Variants in GRID2 observed in about 807,000 individuals in gnomAD.
The protein encoded by GRID2 is glutamate receptor ionotropic, delta-2.
A neutral mutation model predicts 114.8 loss-of-function variants in GRID2; 33 were observed. The ratio of observed to expected loss-of-function variants is 0.29; its 90% CI spans 0.22 to 0.38. GRID2 has a LOEUF of 0.38. Among genes scored for constraint, GRID2 ranks in the 10% least tolerant of loss-of-function variants. GRID2 has a pLI of 1.00. For missense variants in GRID2, 1,184 were observed against 1,257.7 expected, an observed-to-expected ratio of 0.94 and a Z score of 0.89; for synonymous variants, 505 against 449.9, an observed-to-expected ratio of 1.12 and a Z score of -1.55.
chr4:92,715,756 C>T (rs553579688), intron 2 of GRID2, among the ~76,000 whole-genome samples: 117 of 152,218 alleles, frequency 7.7e-4, no homozygotes, highest in Non-Finnish European at 5.9e-4. Context: ...GATTCACATA[C>T]GTATCACTAG....
At chr4:93,589,858 G>A (rs1006301515) in intron 13 of GRID2, among the ~76,000 whole-genome samples, 7 of 151,782 alleles carry the variant, frequency 4.6e-5, no homozygotes, top group Non-Finnish European at 7.4e-5. Flanking sequence ...CTTCTTTTGA[G>A]AAGTGTCTGT....
intron 8 of GRID2, among the ~76,000 whole-genome samples, chr4:93,390,732 GA>G (rs2149322742): frequency 6.6e-6 from 1 of 152,160 alleles, no homozygotes; most frequent in East Asian, 1.9e-4. Context: ...GTTGATAATA[GA>G]GTGATTATTA....
At chr4:92,427,322 T>G (rs925671348) in intron 1 of GRID2, among the ~76,000 whole-genome samples, 2 of 152,102 alleles carry the variant, frequency 1.3e-5, no homozygotes, top group African/African-American at 2.4e-5. Flanking sequence ...TATATTTTGA[T>G]GAATGAATGA....
chr4:92,938,671 C>T (rs997270968), intron 2 of GRID2, among the ~76,000 whole-genome samples: 9 of 145,992 alleles, frequency 6.2e-5, no homozygotes, highest in Non-Finnish European at 1.4e-4. Context: ...CCATTAACTC[C>T]TCATTTAGCC....
intron 13 of GRID2, among the ~76,000 whole-genome samples, chr4:93,605,866 G>A (rs1194300109): frequency 6.6e-6 from 1 of 152,184 alleles, no homozygotes; most frequent in African/African-American, 2.4e-5. Context: ...GATCATATAA[G>A]GGGACACTAA....
chr4:93,232,498 A>T (rs1746264530), intron 7 of GRID2, among the ~76,000 whole-genome samples: 1 of 151,012 alleles, frequency 6.6e-6, no homozygotes, highest in Admixed American at 6.6e-5. Flanking sequence ...TGAGCCCAAC[A>T]TATATCAATA....
rs533191720 is a variant in GRID2, at chr4:93,470,748, C to T, written c.1858+14774C>T. ...AATTAAAAACAAATATTGTGTAATG[C>T]ACAGATGGCAGAAAGTAAGCAAAAG... On this transcript the variant is annotated intron_variant, in intron 11 of 15. Transcript: ENST00000282020. Among the ~76,000 whole-genome samples the T allele has an allele frequency of 4.9e-4, 75 of 152,056 alleles. 2 individuals carry two copies. The highest frequency in any genetic ancestry group is 1.7e-3 in the African/African-American group (71 of 41,500).
At chr4:93,808,649 C>T (rs1000305789) in exon 2 of GRID2, 5 of 152,074 alleles carry the variant, frequency 3.3e-5, no homozygotes, top group Non-Finnish European at 2.9e-5. Context: ...GGACCAAAAC[C>T]GGGGCTCTAC....
chr4:92,547,998 C>G (rs1020093110), intron 1 of GRID2, among the ~76,000 whole-genome samples: 1 of 151,962 alleles, frequency 6.6e-6, no homozygotes, highest in African/African-American at 2.4e-5. Context: ...CTTACAAGAC[C>G]TGAATTCTTC....
At chr4:93,706,655 T>TA (rs1034364823) in intron 14 of GRID2, among the ~76,000 whole-genome samples, 6 of 152,080 alleles carry the variant, frequency 3.9e-5, no homozygotes, top group Admixed American at 6.6e-5. Context: ...ATATCATCTG[T>TA]AAAAAAAGGA....
intron 13 of GRID2, among the ~76,000 whole-genome samples, chr4:93,622,605 C>G (rs989341141): frequency 6.6e-6 from 1 of 152,160 alleles, no homozygotes; most frequent in Non-Finnish European, 1.5e-5. Flanking sequence ...ACCACAGACA[C>G]TCCATGAGTA....
chr4:92,344,920 G>A (rs1727690428), intron 1 of GRID2, among the ~76,000 whole-genome samples: 1 of 152,092 alleles, frequency 6.6e-6, no homozygotes, highest in African/African-American at 2.4e-5. Context: ...GTGGGTCCAG[G>A]TAGTTTTTGT....
At chr4:92,988,427 A>G (rs529614356) in intron 2 of GRID2, among the ~76,000 whole-genome samples, 1 of 152,316 alleles carries the variant, frequency 6.6e-6, no homozygotes, top group Non-Finnish European at 1.5e-5. Flanking sequence ...ACAGCAAGAA[A>G]AAGGAAGCAA....
intron 2 of GRID2, among the ~76,000 whole-genome samples, chr4:93,040,344 AGTT>A (rs1725393132): frequency 6.6e-6 from 1 of 152,024 alleles, no homozygotes; most frequent in Non-Finnish European, 1.5e-5. Flanking sequence ...AATAAATATA[AGTT>A]GTTTTTAATT....
At chr4:92,708,295 T>C (rs1166897136) in intron 2 of GRID2, among the ~76,000 whole-genome samples, 1 of 152,186 alleles carries the variant, frequency 6.6e-6, no homozygotes, top group Non-Finnish European at 1.5e-5. Flanking sequence ...CCAATTCAAG[T>C]TTCTCCCATC....
intron 1 of GRID2, among the ~76,000 whole-genome samples, chr4:92,442,465 C>T (rs1057336184): frequency 2.1e-4 from 32 of 151,998 alleles, no homozygotes; most frequent in Admixed American, 8.5e-4. Context: ...AACGCCTGGC[C>T]GCTGCGGTTC....
intron 11 of GRID2, among the ~76,000 whole-genome samples, chr4:93,467,581 G>A (rs1724415534): frequency 6.6e-6 from 1 of 152,120 alleles, no homozygotes; most frequent in Non-Finnish European, 1.5e-5. Flanking sequence ...TGCTATATCA[G>A]CAGGGACTGT....
Position 92,524,109 on chromosome 4 carries a change from C to T in GRID2, c.89-66022C>T, listed in dbSNP as rs550680350. ...GTCAAGGAAAACTATGTTTTTTGAC[C>T]ACGAACTTTTTGATGGAGCCCTAAG... On this transcript the variant is annotated intron_variant, in intron 1 of 15. Transcript: ENST00000282020. Among the ~76,000 whole-genome samples the T allele has an allele frequency of 1.7e-4, 26 of 151,922 alleles. No homozygotes were observed. In the South Asian group the frequency reaches 5.0e-3, roughly 29 times the overall value.
At chr4:93,542,628 C>T (rs67659789) in intron 13 of GRID2, among the ~76,000 whole-genome samples, 26,053 of 151,958 alleles carry the variant, frequency 0.17, 2,787 homozygotes, top group Middle Eastern at 0.29. Context: ...CTTCACTTTC[C>T]CCCAAGGAAG....
Sources: allele counts gnomAD v4.1 joint callset (sites outside exome capture counted in the v4.1 genomes callset), GRCh38; gene constraint gnomAD v4.1.1; transcripts MANE v1.5; gene names NCBI Gene and HGNC (gene_info 2026-07-23, HGNC 2026-07-21).